Variants in PTPRT observed in about 807,000 individuals in gnomAD.
PTPRT encodes the protein protein tyrosine phosphatase receptor type T, also known as receptor-type tyrosine-protein phosphatase T.
PTPRT carries 56 observed loss-of-function variants against 176.8 expected under a neutral mutation model. That is an observed-to-expected ratio of 0.32 (90% CI 0.26 to 0.40). The LOEUF (loss-of-function observed/expected upper bound fraction) is 0.40. PTPRT is among the 10% of genes least tolerant of loss of function. PTPRT has a pLI of 1.00. For synonymous variants in PTPRT, 783 were observed against 739.0 expected (o/e 1.06, Z -0.96); for missense variants, 1,540 against 1,908.2 (o/e 0.81, Z 3.60).
intron 12 of PTPRT, among the ~76,000 whole-genome samples, chr20:42,291,781 T>C (rs1037626731): frequency 2.6e-5 from 4 of 152,104 alleles, no homozygotes; most frequent in African/African-American, 9.7e-5. Flanking sequence ...AGGCATGATG[T>C]AAAACGAAGC....
At position 42,472,350 on chromosome 20, in the gene PTPRT, T is replaced by A; in HGVS notation, c.1366A>T (p.Met456Leu). 6.2e-7 allele frequency: 1 copy of A among 1,614,172 alleles called. No individual in the cohort carries two copies. Among genetic ancestry groups the A allele is most frequent in the African/African-American group, 1.3e-5 (1 of 75,044 alleles). ...AGCAAGAGTCGCAGCCGGATGGTCATGAAGGGGCGCAGGCCTCGCAGGGTG... is the reference window on the plus strand; with the variant it reads ...AGCAAGAGTCGCAGCCGGATGGTCAAGAAGGGGCGCAGGCCTCGCAGGGTG... ...HYTLRGLRPF[M>L]TIRLRLLLSN... The change falls in exon 8 of 31, where the codon ATG becomes TTG. Residue 456 changes from methionine (M) to leucine (L), a missense_variant. Physicochemically the swap from Met to Leu is conservative, Grantham distance 15. Coordinates refer to ENST00000373187, the MANE Select transcript of PTPRT (RefSeq NM_007050.6).
chr20:42,520,949 C>T (rs182089073), intron 7 of PTPRT, among the ~76,000 whole-genome samples: 8 of 150,512 alleles, frequency 5.3e-5, no homozygotes, highest in Non-Finnish European at 1.0e-4. Context: ...TCTATCTATC[C>T]GTCCACCCAC....
chr20:43,162,434 T>C (rs1335743460), intron 1 of PTPRT, among the ~76,000 whole-genome samples: 1 of 152,180 alleles, frequency 6.6e-6, no homozygotes, highest in African/African-American at 2.4e-5. Flanking sequence ...CTTTTCTCAG[T>C]GGAACCAGCA....
intron 1 of PTPRT, among the ~76,000 whole-genome samples, chr20:43,067,581 G>A (rs954219906): frequency 2.0e-5 from 3 of 152,120 alleles, no homozygotes; most frequent in Non-Finnish European, 2.9e-5. Context: ...GATCTGAGAT[G>A]TACTTTCAGG....
intron 16 of PTPRT, among the ~76,000 whole-genome samples, chr20:42,165,498 A>G (rs1454270784): frequency 6.6e-6 from 1 of 152,192 alleles, no homozygotes; most frequent in African/African-American, 2.4e-5. Context: ...AACATTCTCC[A>G]AGCATTAGGC....
chr20:42,591,569 C>G (rs1601332220), intron 7 of PTPRT, among the ~76,000 whole-genome samples: 1 of 152,156 alleles, frequency 6.6e-6, no homozygotes, highest in Admixed American at 6.5e-5. Context: ...GGAAGTAGAG[C>G]AGGTGATTGC....
chr20:42,764,882 T>C (rs1159155683), intron 5 of PTPRT, among the ~76,000 whole-genome samples: 1 of 152,170 alleles, frequency 6.6e-6, no homozygotes, highest in Non-Finnish European at 1.5e-5. Context: ...CTGGTTCAGA[T>C]GCAGGCAGGT....
chr20:42,579,512 T>C (rs1382475457), intron 7 of PTPRT, among the ~76,000 whole-genome samples: 1 of 152,186 alleles, frequency 6.6e-6, no homozygotes, highest in Non-Finnish European at 1.5e-5. Context: ...TGAACTAGTT[T>C]ACAGTCCCAC....
chr20:42,652,166 G>A (rs1464535968), intron 7 of PTPRT, among the ~76,000 whole-genome samples: 7 of 151,870 alleles, frequency 4.6e-5, no homozygotes, highest in Admixed American at 4.6e-4. Flanking sequence ...GCCACATATT[G>A]TTTCTATTCT....
chr20:42,221,747 G>A (rs1159385466), intron 15 of PTPRT, among the ~76,000 whole-genome samples: 1 of 151,940 alleles, frequency 6.6e-6, no homozygotes, highest in African/African-American at 2.4e-5. Context: ...TCAAATTCCT[G>A]ACCTCAAGTG....
rs959154592 is a variant in PTPRT, at chr20:42,753,763, G to T, written c.859+2699C>A. 3.3e-5 allele frequency among the ~76,000 whole-genome samples: 5 copies of T among 152,318 alleles called. No individual in the cohort carries two copies. The South Asian group carries it at 1.0e-3, about 32-fold the overall frequency. ...CCCCGTAAACCCTGGCCACCTCTCC[G>T]AATAAAGCAAGGATGCTCCACCACA... On this transcript the variant is annotated intron_variant, in intron 6 of 30. Coordinates refer to ENST00000373187, the MANE Select transcript of PTPRT (RefSeq NM_007050.6).
At chr20:42,361,472 T>C (rs1485583055) in intron 9 of PTPRT, among the ~76,000 whole-genome samples, 1 of 152,178 alleles carries the variant, frequency 6.6e-6, no homozygotes, top group Non-Finnish European at 1.5e-5. Context: ...GGGGATGTGA[T>C]ATTTTGTGAC....
intron 7 of PTPRT, among the ~76,000 whole-genome samples, chr20:42,648,272 T>C (rs757277817): frequency 6.6e-6 from 1 of 152,156 alleles, no homozygotes; most frequent in South Asian, 2.1e-4. Context: ...ACATGCTTCA[T>C]TAACAGCAAA....
At chr20:42,297,485 T>C (rs11696306) in intron 12 of PTPRT, among the ~76,000 whole-genome samples, 35,104 of 152,114 alleles carry the variant, frequency 0.23, 4,192 homozygotes, top group South Asian at 0.32. Context: ...ATAAATTTAA[T>C]GCAATCCCAG....
intron 6 of PTPRT, among the ~76,000 whole-genome samples, chr20:42,739,369 GAGGAGGAAGAGGT>G (rs2076576270): frequency 6.6e-6 from 1 of 152,186 alleles, no homozygotes. Context: ...AGGGGGAAGA[GAGGAGGAAGAGGT>G]AGGAGGAAGA....
chr20:42,781,183 A>G (rs1009872342), intron 3 of PTPRT, among the ~76,000 whole-genome samples: 1 of 151,028 alleles, frequency 6.6e-6, no homozygotes, highest in Non-Finnish European at 1.5e-5. Context: ...ATTAATGCAG[A>G]AGGTCCAGGC....
chr20:42,558,744 G>A (rs966610920), intron 7 of PTPRT, among the ~76,000 whole-genome samples: 4 of 152,128 alleles, frequency 2.6e-5, no homozygotes, highest in African/African-American at 7.2e-5. Flanking sequence ...CTCTTCTGAC[G>A]AATATTGCAC....
chr20:42,766,917 C>T (rs2076990498), intron 5 of PTPRT, among the ~76,000 whole-genome samples: 1 of 152,216 alleles, frequency 6.6e-6, no homozygotes, highest in South Asian at 2.1e-4. Context: ...CTTATAGAGA[C>T]TCTTTTGGCC....
At chr20:42,183,583 A>G (rs1035781952) in intron 16 of PTPRT, among the ~76,000 whole-genome samples, 4 of 152,208 alleles carry the variant, frequency 2.6e-5, no homozygotes, top group Non-Finnish European at 5.9e-5. Context: ...AAATATTCCT[A>G]TTATTGACTA....
Sources: allele counts gnomAD v4.1 joint callset (sites outside exome capture counted in the v4.1 genomes callset), GRCh38; gene constraint gnomAD v4.1.1; transcripts MANE v1.5; gene names NCBI Gene and HGNC (gene_info 2026-07-23, HGNC 2026-07-21).